Variants in FGGY observed in about 807,000 individuals in gnomAD.
The protein encoded by FGGY is FGGY carbohydrate kinase domain-containing protein.
Under a neutral mutation model 71.3 loss-of-function variants are expected in FGGY, and 72 were observed. The ratio of observed to expected loss-of-function variants is 1.01; its 90% CI spans 0.84 to 1.23. The LOEUF (loss-of-function observed/expected upper bound fraction) is 1.23. FGGY is among the 50% of genes most tolerant of loss of function. FGGY has a pLI of 0.00. For missense variants in FGGY, 668 were observed against 682.3 expected (o/e 0.98, Z 0.23); for synonymous variants, 251 against 250.3 (o/e 1.00, Z -0.02).
intron 14 of FGGY, among the ~76,000 whole-genome samples, chr1:59,720,744 A>G (rs2097884349): frequency 6.6e-6 from 1 of 152,182 alleles, no homozygotes; most frequent in Non-Finnish European, 1.5e-5. Context: ...TATATTATGA[A>G]GGATGACTTT....
At chr1:59,726,242 G>A (rs537673871) in intron 14 of FGGY, among the ~76,000 whole-genome samples, 1 of 151,936 alleles carries the variant, frequency 6.6e-6, no homozygotes, top group Non-Finnish European at 1.5e-5. Context: ...ACTGATTTTT[G>A]AATGTTGAAC....
chr1:59,753,871 T>C (rs1216352195), intron 14 of FGGY, among the ~76,000 whole-genome samples: 3 of 152,176 alleles, frequency 2.0e-5, no homozygotes, highest in Non-Finnish European at 4.4e-5. Context: ...ATCCTGGTGG[T>C]TCCATTACTT....
At chr1:59,586,336 A>AATG (rs2096286348) in intron 8 of FGGY, among the ~76,000 whole-genome samples, 1 of 151,846 alleles carries the variant, frequency 6.6e-6, no homozygotes, top group Non-Finnish European at 1.5e-5. Flanking sequence ...AGCCATAAAA[A>AATG]ATGAGTTCAT....
intron 8 of FGGY, among the ~76,000 whole-genome samples, chr1:59,562,607 A>G (rs2095809786): frequency 6.6e-6 from 1 of 152,228 alleles, no homozygotes; most frequent in African/African-American, 2.4e-5. Flanking sequence ...GAAACTGCCA[A>G]ACTGTTTTCC....
At chr1:59,379,577 T>C (rs1173583556) in intron 5 of FGGY, among the ~76,000 whole-genome samples, 1 of 152,174 alleles carries the variant, frequency 6.6e-6, no homozygotes, top group Non-Finnish European at 1.5e-5. Context: ...GCCTAGGATA[T>C]TACTGTACAC....
At chr1:59,498,057 TG>T (rs2094102869) in intron 6 of FGGY, among the ~76,000 whole-genome samples, 1 of 152,218 alleles carries the variant, frequency 6.6e-6, no homozygotes. Context: ...TACCCCAACC[TG>T]TGCCACTTGG....
chr1:59,411,701 C>A (rs144107489), intron 5 of FGGY, among the ~76,000 whole-genome samples: 22 of 152,290 alleles, frequency 1.4e-4, no homozygotes, highest in African/African-American at 4.6e-4. Context: ...TATGTACTTA[C>A]AAATTCTTAT....
At chr1:59,427,858 G>A (rs966175305) in intron 5 of FGGY, among the ~76,000 whole-genome samples, 1 of 152,148 alleles carries the variant, frequency 6.6e-6, no homozygotes, top group Non-Finnish European at 1.5e-5. Context: ...TCACTTACTA[G>A]ATAGGGGACC....
chr1:59,662,455 A>T lies in FGGY; in HGVS notation c.1296+2162A>T, dbSNP rs1225172280. On this transcript the variant is annotated intron_variant, in intron 12 of 15. Transcript: ENST00000303721. ...AACTAGAAACCTAAGGCTCTGTGTG[A>T]TTAATTAACTTGTGCAGGGCCATAT... 1.3e-5 allele frequency among the ~76,000 whole-genome samples: 2 copies of T among 152,130 alleles called. 1 individual carries two copies. The highest frequency in any genetic ancestry group is 4.1e-4 in the South Asian group (2 of 4,832).
At chr1:59,426,866 A>AG (rs2153453599) in intron 5 of FGGY, among the ~76,000 whole-genome samples, 1 of 152,274 alleles carries the variant, frequency 6.6e-6, no homozygotes, top group African/African-American at 2.4e-5. Context: ...CTGAAAAAAA[A>AG]AAAAAAACTG....
intron 7 of FGGY, among the ~76,000 whole-genome samples, chr1:59,519,320 G>A (rs901856355): frequency 6.6e-6 from 1 of 152,162 alleles, no homozygotes; most frequent in African/African-American, 2.4e-5. Context: ...CTAGTTCATG[G>A]GGTTAGACAG....
intron 6 of FGGY, among the ~76,000 whole-genome samples, chr1:59,490,555 T>C (rs2093798301): frequency 6.6e-6 from 1 of 152,218 alleles, no homozygotes; most frequent in African/African-American, 2.4e-5. Context: ...TTTCTTTTGT[T>C]GCCTGTGCTT....
At chr1:59,651,562 C>T (rs980822337) in intron 11 of FGGY, among the ~76,000 whole-genome samples, 10 of 147,346 alleles carry the variant, frequency 6.8e-5, no homozygotes, top group African/African-American at 1.8e-4. Flanking sequence ...TTATCAGAGA[C>T]TAGGATTGCA....
chr1:59,609,981 G>A (rs1219777693), intron 9 of FGGY, among the ~76,000 whole-genome samples: 3 of 152,220 alleles, frequency 2.0e-5, no homozygotes, highest in Non-Finnish European at 4.4e-5. Flanking sequence ...GAAAAGTTGA[G>A]AAGGAAGACA....
intron 12 of FGGY, among the ~76,000 whole-genome samples, chr1:59,661,175 A>G (rs2097270476): frequency 6.6e-6 from 1 of 152,218 alleles, no homozygotes; most frequent in Non-Finnish European, 1.5e-5. Flanking sequence ...CATATATGAT[A>G]TTCAATTATT....
intron 14 of FGGY, among the ~76,000 whole-genome samples, chr1:59,684,265 A>G (rs562518531): frequency 6.6e-6 from 1 of 152,354 alleles, no homozygotes; most frequent in East Asian, 1.9e-4. Flanking sequence ...ATCTTGGCTC[A>G]GCCACTTACC....
In FGGY at chr1:59,306,196, T is replaced by A. The variant is rs1021877409; in HGVS notation, c.-15+9046T>A. Among the ~76,000 whole-genome samples, 29 of 152,264 alleles carry A rather than the reference T, an allele frequency of 1.9e-4. 1 individual carries two copies. Among genetic ancestry groups the A allele is most frequent in the Non-Finnish European group, 5.9e-5 (4 of 68,018 alleles). ...TCCTGTCACTACATCTTGGCTGGAA[T>A]TGGAAGCATTCAACTAGAATTTTTG... On this transcript the variant is annotated intron_variant, in intron 1 of 15. Coordinates refer to ENST00000303721, the MANE Select transcript of FGGY (RefSeq NM_018291.5).
At chr1:59,327,468 G>T (rs531307435) in intron 2 of FGGY, among the ~76,000 whole-genome samples, 1 of 152,198 alleles carries the variant, frequency 6.6e-6, no homozygotes, top group South Asian at 2.1e-4. Flanking sequence ...TCTAATTCTA[G>T]TTCGTTTGGT....
At chr1:59,613,215 A>C (rs542601605) in intron 9 of FGGY, among the ~76,000 whole-genome samples, 28 of 152,308 alleles carry the variant, frequency 1.8e-4, no homozygotes, top group Non-Finnish European at 2.2e-4. Context: ...GCAACACACC[A>C]CACCTATTCC....
Sources: gnomAD v4.1 joint callset for allele counts (sites outside exome capture counted in the v4.1 genomes callset) on GRCh38, gnomAD v4.1.1 for gene constraint, MANE v1.5 for transcripts, NCBI Gene and HGNC (gene_info 2026-07-23, HGNC 2026-07-21) for gene names.